Variants in ADAMTSL2 observed in about 807,000 individuals in gnomAD.
ADAMTSL2 encodes the protein ADAMTS-like protein 2.
Under a neutral mutation model 117.0 loss-of-function variants are expected in ADAMTSL2, and 55 were observed. The ratio of observed to expected loss-of-function variants is 0.47; its 90% confidence interval spans 0.38 to 0.59. ADAMTSL2 has a LOEUF of 0.59. Ranked by LOEUF, ADAMTSL2 falls within the 20% of genes least tolerant of loss-of-function variation. The pLI, the probability that ADAMTSL2 is intolerant of heterozygous loss-of-function variation, is 0.00. For synonymous variants in ADAMTSL2, 572 were observed against 566.4 expected, an observed-to-expected ratio of 1.01 and a Z score of -0.14; for missense variants, 1,182 against 1,354.5, an observed-to-expected ratio of 0.87 and a Z score of 2.00.
chr9:133,560,811 C>G (rs752932461), intron 11 of ADAMTSL2, among the ~76,000 whole-genome samples: 1 of 152,278 alleles, frequency 6.6e-6, no homozygotes, highest in East Asian at 1.9e-4. Flanking sequence ...GTCCCCTCCC[C>G]GGTGGGAAGA....
intron 9 of ADAMTSL2, among the ~76,000 whole-genome samples, chr9:133,551,247 C>G (rs771087564): frequency 7.9e-5 from 12 of 152,130 alleles, no homozygotes; most frequent in Admixed American, 2.0e-4. Context: ...GCCGACCCAT[C>G]TCTGAATCAA....
intron 7 of ADAMTSL2, 149 bp from the exon 8 acceptor site, chr9:133,544,321 G>A: frequency 1.3e-6 from 1 of 759,532 alleles, no homozygotes; most frequent in Non-Finnish European, 2.4e-6. Context: ...AATGGGACGG[G>A]GCTGAGCTGA....
At chr9:133,539,686 G>GTCCCGGCTGTCCCGGCTGTCCCGGCTGA in intron 4 of ADAMTSL2, 85 bp from the exon 5 acceptor site, 1 of 1,305,782 alleles carries the variant, frequency 7.7e-7, no homozygotes, top group Non-Finnish European at 1.1e-6. Context: ...TGTCCCGGCT[G>GTCCCGGCTGTCCCGGCTGTCCCGGCTGA]CAGCCACTTC....
intron 9 of ADAMTSL2, among the ~76,000 whole-genome samples, chr9:133,552,005 C>T (rs9696868): frequency 0.31 from 47,665 of 151,374 alleles, 8,132 homozygotes; most frequent in Middle Eastern, 0.39. Context: ...AATTTTTGTA[C>T]TTTTAGTAGA....
Position 133,554,553 on chromosome 9 carries a change from T to C in ADAMTSL2, c.1136T>C (p.Leu379Pro), listed in dbSNP as rs1160552388. 3 of 1,548,566 alleles carry C rather than the reference T, an allele frequency of 1.9e-6. No homozygotes were observed. Among genetic ancestry groups the C allele is most frequent in the Non-Finnish European group, 2.6e-6 (3 of 1,147,110 alleles). Reference sequence around the variant, plus strand: ...TACGGCCAGGCCTCCTCAGAGCGGCTGGGCCTGGACAACCGGCTGTTCGGC... The same window carrying C: ...TACGGCCAGGCCTCCTCAGAGCGGCCGGGCCTGGACAACCGGCTGTTCGGC... ...SLYGQASSER[L>P]GLDNRLFGHP... The change falls in exon 10 of 19, where the codon CTG (leucine) becomes CCG (proline). Residue 379 changes from leucine to proline, a missense_variant. By Grantham distance (98) the Leu-to-Pro change is moderately conservative. Coordinates refer to ENST00000651351, the MANE Select transcript of ADAMTSL2 (RefSeq NM_014694.4). The surrounding 1 kb of genome is among the most constrained non-coding windows in gnomAD (Gnocchi z 5.2).
At position 133,574,963 on chromosome 9, in the gene ADAMTSL2, G is replaced by A. The variant is rs1225725822; in HGVS notation, c.*99G>A. The A allele has an allele frequency of 1.1e-5, 10 of 911,784 alleles. No individual in the cohort carries two copies. The highest frequency in any genetic ancestry group is 2.5e-5 in the East Asian group (1 of 39,628). 56.5% of individuals were successfully genotyped at this position (911,784 alleles called of 1,614,324 possible). A position where few individuals can be genotyped will look rare whatever the true frequency, so the allele number is the denominator to read the frequency against. On this transcript the variant is annotated 3_prime_UTR_variant, in exon 19 of 19. Transcript: ENST00000651351. ...CACAGACCCCCCTCCTGCGGGGCAC[G>A]CTGGCCTAAGAGACGTGGCACTGAG... is the stretch of plus-strand genomic sequence containing the variant.
At chr9:133,539,612 G>A (rs1481827338) in intron 4 of ADAMTSL2, among the ~76,000 whole-genome samples, 159 bp from the exon 5 acceptor site, 4 of 71,004 alleles carry the variant, frequency 5.6e-5, no homozygotes, top group Non-Finnish European at 6.3e-5. Flanking sequence ...ATGGGAGCGC[G>A]CAGGAGCCCT....
chr9:133,548,836 G>A (rs1049864756), intron 9 of ADAMTSL2, among the ~76,000 whole-genome samples: 5 of 152,202 alleles, frequency 3.3e-5, no homozygotes, highest in African/African-American at 1.2e-4. Context: ...CCCCAGCACA[G>A]CTTGGACCTA....
In ADAMTSL2 at chr9:133,557,445, A is replaced by G. The variant is rs1471977853; in HGVS notation, c.1649+1515A>G. Among the ~76,000 whole-genome samples, 1 of 152,020 alleles carries G rather than the reference A, an allele frequency of 6.6e-6. No individual in the cohort carries two copies. The highest frequency in any genetic ancestry group is 1.5e-5 in the Non-Finnish European group (1 of 67,994). ...CTGTCTGCTCACCCTTTACCTTGGC[A>G]TGCTCAAAGCCTTGGGTAGGTGGGG... is the stretch of plus-strand genomic sequence containing the variant. On this transcript the variant is annotated intron_variant, in intron 11 of 18. Transcript: ENST00000651351. This position sits in a 1 kb window ranked among gnomAD's most constrained non-coding sequence, Gnocchi z 5.2.
intron 11 of ADAMTSL2, among the ~76,000 whole-genome samples, chr9:133,559,831 C>A (rs953402819): frequency 6.6e-6 from 1 of 152,122 alleles, no homozygotes; most frequent in Non-Finnish European, 1.5e-5. Context: ...GGCCTTGGTC[C>A]CCATGCCTTC....
chr9:133,535,001 C>T (rs1349971062), intron 1 of ADAMTSL2, 84 bp downstream of exon 1: 3 of 1,309,370 alleles, frequency 2.3e-6, no homozygotes, highest in South Asian at 2.1e-5. Flanking sequence ...GGGGTAGGAG[C>T]ACCCCGCGCC....
At position 133,555,561 on chromosome 9, in the gene ADAMTSL2, G is replaced by C; in HGVS notation, c.1280G>C (p.Arg427Pro). 2 of 1,612,992 alleles carry C rather than the reference G, an allele frequency of 1.2e-6. No individual in the cohort carries two copies. Among genetic ancestry groups the C allele is most frequent in the East Asian group, 4.5e-5 (2 of 44,874 alleles). ...GPPRGKGFRD[R>P]NVTGTPLTGD... Reference sequence around the variant, plus strand: ...GAGCCACCTGTCTCCTCTCCAGACCGCAACGTCACGGGGACTCCTCTCACC... The same window carrying C: ...GAGCCACCTGTCTCCTCTCCAGACCCCAACGTCACGGGGACTCCTCTCACC... Residue 427 changes from arginine to proline, a missense_variant, in exon 11 of 19, where the codon CGC (arginine) becomes CCC (proline). Coordinates refer to ENST00000651351, the MANE Select transcript of ADAMTSL2 (RefSeq NM_014694.4).
In ADAMTSL2 at chr9:133,534,806, C is replaced by CTG; in HGVS notation, c.-262_-261insTG. 1 of 1,488,868 alleles carries CTG rather than the reference C, an allele frequency of 6.7e-7. No individual in the cohort carries two copies. The highest frequency in any genetic ancestry group is 2.2e-5 in the Admixed American group (1 of 44,748). 92.2% of individuals were successfully genotyped at this position (1,488,868 alleles called of 1,614,324 possible). ...AGGGGAAGGGGAGAGGGAGGCCGGG[C>CTG]CGCAGCCTCTGCACTCACGCCGCCC... On this transcript the variant is annotated 5_prime_UTR_variant, in exon 1 of 19. The change creates a premature stop within an existing upstream ORF in the 5' untranslated region. Coordinates refer to ENST00000651351, the MANE Select transcript of ADAMTSL2 (RefSeq NM_014694.4).
chr9:133,533,276 G>A (rs1005484678), upstream of ADAMTSL2, among the ~76,000 whole-genome samples: 3 of 152,066 alleles, frequency 2.0e-5, no homozygotes, highest in Admixed American at 1.3e-4. Context: ...TAGGGTTAGG[G>A]TTAGTCCTGG....
At chr9:133,551,743 G>A (rs948724172) in intron 9 of ADAMTSL2, among the ~76,000 whole-genome samples, 4 of 151,842 alleles carry the variant, frequency 2.6e-5, no homozygotes, top group African/African-American at 9.7e-5. Flanking sequence ...CCATGTGGCG[G>A]GCTGCTTGCC....
chr9:133,549,594 A>G (rs1309444069), intron 9 of ADAMTSL2, among the ~76,000 whole-genome samples: 2 of 143,048 alleles, frequency 1.4e-5, no homozygotes, highest in East Asian at 4.2e-4. Context: ...TATGTTGTCC[A>G]GGCTGGTCTC....
chr9:133,536,167 C>G (rs993441866), intron 1 of ADAMTSL2, among the ~76,000 whole-genome samples: 3 of 152,238 alleles, frequency 2.0e-5, no homozygotes, highest in Non-Finnish European at 4.4e-5. Context: ...GGGACCTGGC[C>G]AAGCCCATCC....
intron 5 of ADAMTSL2, among the ~76,000 whole-genome samples, chr9:133,540,395 A>C (rs1026062525): frequency 6.6e-6 from 1 of 152,192 alleles, no homozygotes; most frequent in Non-Finnish European, 1.5e-5. Context: ...AGGAGGTAGA[A>C]GCTGGAACTC....
chr9:133,569,680 G>A (rs1831059604), intron 16 of ADAMTSL2, 102 bp downstream of exon 16: 5 of 1,189,714 alleles, frequency 4.2e-6, no homozygotes, highest in South Asian at 4.1e-5. Context: ...TGAAAAAGAG[G>A]AATTCATTGC....
Sources: gnomAD v4.1 joint callset for allele counts (sites outside exome capture counted in the v4.1 genomes callset) on GRCh38, gnomAD v4.1.1 for gene constraint, Gnocchi (gnomAD v3.1) non-coding constraint, MANE v1.5 for transcripts, NCBI Gene and HGNC (gene_info 2026-07-23, HGNC 2026-07-21) for gene names.